PON1: variants seen among roughly 807,000 people sequenced by gnomAD.
The protein encoded by PON1 is serum paraoxonase/arylesterase 1.
PON1 carries 37 observed loss-of-function variants against 39.2 expected under a neutral mutation model. That is an observed-to-expected ratio of 0.94 (90% confidence interval 0.73 to 1.24). The LOEUF is 1.24. Among genes scored for constraint, PON1 ranks in the 50% most tolerant of loss-of-function variants. The pLI is 0.00. For missense variants in PON1, 397 were observed against 413.5 expected (o/e 0.96, Z 0.35); for synonymous variants, 148 against 152.2 (o/e 0.97, Z 0.21).
At chr7:95,322,686 T>C (rs1230475314) in intron 1 of PON1, among the ~76,000 whole-genome samples, 1 of 152,060 alleles carries the variant, frequency 6.6e-6, no homozygotes, top group Non-Finnish European at 1.5e-5. Flanking sequence ...TAGCCCAAGT[T>C]GGGGTAGGGG....
chr7:95,300,075 G>T (rs754757410), intron 8 of PON1, among the ~76,000 whole-genome samples: 8 of 152,210 alleles, frequency 5.3e-5, no homozygotes, highest in Non-Finnish European at 1.2e-4. Flanking sequence ...ATAAGATTTT[G>T]TAAGTTCAGT....
intron 3 of PON1, among the ~76,000 whole-genome samples, chr7:95,316,013 G>GT (rs1175736267): frequency 1.3e-5 from 2 of 152,124 alleles, no homozygotes; most frequent in Admixed American, 1.3e-4. Flanking sequence ...TACACCTTAT[G>GT]TTGCTCAAGA....
chr7:95,300,946 AAG>A (rs1179817485), intron 8 of PON1, among the ~76,000 whole-genome samples: 4 of 152,196 alleles, frequency 2.6e-5, no homozygotes, highest in Admixed American at 2.0e-4. Context: ...GATAAAAGGT[AAG>A]AGAGCCATAA....
rs2049646 is a variant in PON1 at position 95,321,842 on chromosome 7, G to C, written c.74+2560C>G. On this transcript the variant is annotated intron_variant, in intron 1 of 8. Transcript: ENST00000222381. ...CTGCATTGGGATTAATAACTCCTTAGTTTACCCTCAGGAACCTTCACATAT... is the reference window on the plus strand; with the variant it reads ...CTGCATTGGGATTAATAACTCCTTACTTTACCCTCAGGAACCTTCACATAT... Among the ~76,000 whole-genome samples the C allele has an allele frequency of 9.9e-3, 1,509 of 152,244 alleles. 25 individuals carry two copies. The highest frequency in any genetic ancestry group is 0.034 in the African/African-American group (1,420 of 41,528).
At position 95,298,684 on chromosome 7, in the gene PON1, A is replaced by G. The variant is rs3917575; in HGVS notation, c.*260T>C. 4.4e-3 allele frequency: 2,384 copies of G among 540,132 alleles called. 44 individuals carry two copies. Among genetic ancestry groups the G allele is most frequent in the African/African-American group, 0.041 (2,139 of 52,724 alleles). 33.5% of individuals were successfully genotyped at this position (540,132 alleles called of 1,614,324 possible). On this transcript the variant is annotated 3_prime_UTR_variant, in exon 9 of 9. Transcript: ENST00000222381. ...TTATTTAATATCTGACAATTGACAT[A>G]ACTGATTTATCCATTTTAGTGAGAA...
intron 7 of PON1, among the ~76,000 whole-genome samples, chr7:95,302,882 C>A (rs1807464863): frequency 6.6e-6 from 1 of 152,138 alleles, no homozygotes; most frequent in South Asian, 2.1e-4. Flanking sequence ...TGATGTTGTT[C>A]AACTCCCCGT....
At chr7:95,319,752 T>C (rs1807854612) in intron 1 of PON1, among the ~76,000 whole-genome samples, 1 of 152,136 alleles carries the variant, frequency 6.6e-6, no homozygotes, top group Non-Finnish European at 1.5e-5. Context: ...AAAGGGGAAG[T>C]GATAAAGCAG....
chr7:95,302,102 A>AAAAAAAAAAAC (rs1807441331), intron 8 of PON1, 103 bp downstream of exon 8: 1 of 672,152 alleles, frequency 1.5e-6, no homozygotes, highest in Non-Finnish European at 2.1e-6. Context: ...GTCACAAAAA[A>AAAAAAAAAAAC]AAAAAAAAAA....
chr7:95,315,452 G>T lies in PON1; in HGVS notation c.240C>A (p.Asn80Lys). The T allele has an allele frequency of 6.2e-7, 1 of 1,614,088 alleles. No homozygotes were observed. Among genetic ancestry groups the T allele is most frequent in the South Asian group, 1.1e-5 (1 of 91,078 alleles). ...CCATCAGAAGTATTTTTCCAGGACT[G>T]TTGGGGTTGAAGCTCTTTATTCCAG... ...KYPGIKSFNP[N>K]SPGKILLMDL... The change falls in exon 4 of 9, where the codon AAC becomes AAA. Residue 80 changes from asparagine (N) to lysine (K), a missense_variant. Transcript: ENST00000222381.
chr7:95,302,123 C>CAAAAAAAAAAAAG (rs1198986302), intron 8 of PON1, 82 bp downstream of exon 8: 1 of 460,344 alleles, frequency 2.2e-6, no homozygotes, highest in Non-Finnish European at 3.2e-6. Flanking sequence ...AAAAAAAAAC[C>CAAAAAAAAAAAAG]AAGAATTGAG....
chr7:95,315,336 G>C lies in PON1; in HGVS notation c.356C>G (p.Thr119Arg), dbSNP rs1298308000. The C allele has an allele frequency of 1.2e-6, 2 of 1,612,948 alleles. No homozygotes were observed. Among genetic ancestry groups the C allele is most frequent in the African/African-American group, 1.3e-5 (1 of 74,874 alleles). The change falls in exon 4 of 9, where the codon ACA (threonine) becomes AGA (arginine). Residue 119 changes from threonine to arginine, a missense_variant. Physicochemically the swap from Thr to Arg is moderately conservative, Grantham distance 71. Coordinates refer to ENST00000222381, the MANE Select transcript of PON1 (RefSeq NM_000446.7). ...VSSFNPHGISTFTDEDNAMYL... is the reference protein window; with the variant it reads ...VSSFNPHGISRFTDEDNAMYL... Reference sequence around the variant, plus strand: ...AATATTGTTACCTTCATCTGTGAATGTGCTAATCCCATGAGGGTTAAATGA... The same window carrying C: ...AATATTGTTACCTTCATCTGTGAATCTGCTAATCCCATGAGGGTTAAATGA...
rs184752407 is a variant in PON1, at chr7:95,314,907, C to T, written c.370+415G>A. ...CAGGAGGCATTGAAGATAATGGGAC[C>T]GGCAGAAAGCTGACCATGGTGACTT... is the stretch of plus-strand genomic sequence containing the variant. On this transcript the variant is annotated intron_variant, in intron 4 of 8. Coordinates refer to ENST00000222381, the MANE Select transcript of PON1 (RefSeq NM_000446.7). 2.5e-3 allele frequency among the ~76,000 whole-genome samples: 382 copies of T among 152,228 alleles called. 1 individual carries two copies. Among genetic ancestry groups the T allele is most frequent in the African/African-American group, 8.6e-3 (359 of 41,538 alleles).
chr7:95,322,908 A>G (rs1252533339), intron 1 of PON1, among the ~76,000 whole-genome samples: 3 of 152,170 alleles, frequency 2.0e-5, no homozygotes, highest in Admixed American at 2.0e-4. Flanking sequence ...GCCCAGGCAT[A>G]TATAGCTTCC....
chr7:95,298,999 T>C lies in PON1; in HGVS notation c.1013A>G (p.Lys338Arg). 6.2e-7 allele frequency: 1 copy of C among 1,614,214 alleles called. No individual in the cohort carries two copies. Among genetic ancestry groups the C allele is most frequent in the Non-Finnish European group, 8.5e-7 (1 of 1,180,026 alleles). ...LQGSTVASVY[K>R]GKLLIGTVFH... The stretch of plus-strand genomic sequence containing the variant: ...CACTGTGCCAATCAGCAGTTTCCCT[T>C]TGTACACAGAGGCAACTGTACTGCC... The change falls in exon 9 of 9, where the codon AAA (lysine) becomes AGA (arginine). Residue 338 changes from lysine to arginine, a missense_variant. Transcript: ENST00000222381.
At chr7:95,313,623 T>TGG (rs1293230917) in intron 4 of PON1, among the ~76,000 whole-genome samples, 2 of 77,356 alleles carry the variant, frequency 2.6e-5, no homozygotes. Context: ...TGTATATGTG[T>TGG]GTGTGTGTGT....
intron 2 of PON1, among the ~76,000 whole-genome samples, chr7:95,317,573 CAAAAAAA>C (rs869140411): frequency 4.3e-5 from 2 of 46,844 alleles, no homozygotes; most frequent in African/African-American, 6.7e-5. Flanking sequence ...TCTAAAAGAA[CAAAAAAA>C]AAAAAAAAAA....
Position 95,318,177 on chromosome 7 carries a change from C to A in PON1, c.145+146G>T, listed in dbSNP as rs1807813330. The A allele has an allele frequency of 1.8e-5, 12 of 656,874 alleles. 1 individual carries two copies. The highest frequency in any genetic ancestry group is 1.5e-4 in the South Asian group (9 of 61,148). The allele number at this position is 656,874 out of a possible 1,614,324, so 40.7% of individuals were successfully genotyped here. On this transcript the variant is annotated intron_variant, in intron 2 of 8. Coordinates refer to ENST00000222381, the MANE Select transcript of PON1 (RefSeq NM_000446.7). ...TATGTTGGTGAAGTCAAAAGTCAAA[C>A]AACATGGTATTTATCATTAACTACC...
Position 95,308,369 on chromosome 7 carries a change from T to C in PON1, c.498-158A>G, listed in dbSNP as rs536146787. On this transcript the variant is annotated intron_variant, in intron 5 of 8. Transcript: ENST00000222381. ...AACACAATTAATATGAAATTAGTCC[T>C]GCCGATACAATCCTTAGACAATCAT... Among the ~76,000 whole-genome samples the C allele has an allele frequency of 2.4e-3, 317 of 129,618 alleles. 3 individuals carry two copies. The highest frequency in any genetic ancestry group is 0.011 in the African/African-American group (302 of 27,790). 85.0% of individuals were successfully genotyped at this position (129,618 alleles called of 152,430 possible).
chr7:95,317,152 A>G (rs1807785792), intron 2 of PON1, among the ~76,000 whole-genome samples: 2 of 152,192 alleles, frequency 1.3e-5, no homozygotes, highest in Admixed American at 6.5e-5. Context: ...TAAATTACAA[A>G]TATATGTTGA....
Sources: allele counts gnomAD v4.1 joint callset (sites outside exome capture counted in the v4.1 genomes callset), GRCh38; gene constraint gnomAD v4.1.1; transcripts MANE v1.5; gene names NCBI Gene and HGNC (gene_info 2026-07-23, HGNC 2026-07-21).